AXIN1: variants seen among roughly 807,000 people sequenced by gnomAD.
AXIN1 encodes the protein axin-1.
Under a neutral mutation model 76.4 loss-of-function variants are expected in AXIN1, and 30 were observed. The ratio of observed to expected loss-of-function variants is 0.39; its 90% CI spans 0.29 to 0.53. AXIN1 has a LOEUF of 0.53. AXIN1 is among the 20% of genes least tolerant of loss of function. AXIN1 has a pLI of 0.66. For missense variants in AXIN1, 1,140 were observed against 1,198.8 expected (o/e 0.95, Z 0.72); for synonymous variants, 545 against 501.4 (o/e 1.09, Z -1.16).
chr16:350,283 G>T (rs2054115872), intron 1 of AXIN1, among the ~76,000 whole-genome samples: 1 of 152,146 alleles, frequency 6.6e-6, no homozygotes, highest in South Asian at 2.1e-4. Context: ...CCACAGGGAA[G>T]CACACCAAGC....
intron 7 of AXIN1, among the ~76,000 whole-genome samples, chr16:294,033 C>CGCCTGTCATCCCTGCTACTCTG (rs1403476887): frequency 6.6e-6 from 1 of 152,058 alleles, no homozygotes; most frequent in Admixed American, 6.6e-5. Context: ...ATTAGCTGGG[C>CGCCTGTCATCCCTGCTACTCTG]GCCTGTCATC....
intron 4 of AXIN1, among the ~76,000 whole-genome samples, chr16:306,122 C>T (rs1436343512): frequency 6.6e-6 from 1 of 152,134 alleles, no homozygotes; most frequent in Non-Finnish European, 1.5e-5. Flanking sequence ...CACATGCGTA[C>T]ACACACATGC....
rs144093618 is a variant in AXIN1, at chr16:326,394, T to TATATATATATACACAC, written c.879-11712_879-11711insGTGTGTATATATATAT. On this transcript the variant is annotated intron_variant, in intron 2 of 10. Coordinates refer to ENST00000262320, the MANE Select transcript of AXIN1 (RefSeq NM_003502.4). ...AAAAATATATATATATATATATATA[T>TATATATATATACACAC]ACACACCTATAGATAAATAACCTAC... Among the ~76,000 whole-genome samples, 66 of 119,652 alleles carry TATATATATATACACAC rather than the reference T, an allele frequency of 5.5e-4. 1 individual carries two copies. The highest frequency in any genetic ancestry group is 8.3e-4 in the Non-Finnish European group (49 of 58,838). 78.5% of individuals were successfully genotyped at this position (119,652 alleles called of 152,430 possible). A position where few individuals can be genotyped will look rare whatever the true frequency, so the allele number is the denominator to read the frequency against.
intron 1 of AXIN1, 23 bp from the exon 2 acceptor site, chr16:347,129 A>G (rs548666354): frequency 1.3e-6 from 2 of 1,594,864 alleles, no homozygotes; most frequent in Admixed American, 3.4e-5. Context: ...TTAAGAGGAC[A>G]AGGATTAGGA....
rs749754083 is a variant in AXIN1, at chr16:288,096, G to C, written c.*26C>G. 6.2e-7 allele frequency: 1 copy of C among 1,612,908 alleles called. No homozygotes were observed. Among genetic ancestry groups the C allele is most frequent in the Non-Finnish European group, 8.5e-7 (1 of 1,179,998 alleles). ...CCCGTGCCCGCCAAGGGCCTCGCCT[G>C]GCACAGCGGCCAGCCCACCAGCCTA... On this transcript the variant is annotated 3_prime_UTR_variant, in exon 11 of 11. Transcript: ENST00000262320.
chr16:325,468 T>G lies in AXIN1; in HGVS notation c.879-10785A>C, dbSNP rs1291236255. 3.9e-5 allele frequency among the ~76,000 whole-genome samples: 6 copies of G among 152,052 alleles called. No homozygotes were observed. The East Asian group carries it at 9.7e-4, about 24-fold the overall frequency. ...CAACTGCTTGGCAGTGCCACTGGAG[T>G]TGGGGCAGCGCTTCCCAGCGGGCAG... is the stretch of plus-strand genomic sequence containing the variant. On this transcript the variant is annotated intron_variant, in intron 2 of 10. Transcript: ENST00000262320.
At chr16:317,580 G>A (rs902325679) in intron 2 of AXIN1, among the ~76,000 whole-genome samples, 4 of 152,210 alleles carry the variant, frequency 2.6e-5, no homozygotes, top group African/African-American at 9.6e-5. Flanking sequence ...CAGCAACCAT[G>A]GGGCCGCTCT....
intron 3 of AXIN1, among the ~76,000 whole-genome samples, chr16:313,595 G>A (rs577327904): frequency 1.3e-5 from 2 of 152,310 alleles, no homozygotes; most frequent in South Asian, 4.1e-4. Flanking sequence ...TGGTTCCTGC[G>A]GCTCGGCCCC....
At chr16:310,206 G>A (rs562210631) in intron 3 of AXIN1, 137 bp from the exon 4 acceptor site, 14 of 733,576 alleles carry the variant, frequency 1.9e-5, no homozygotes, top group Admixed American at 1.0e-4. Context: ...ACTGAGACAC[G>A]TGCACACAGG....
In AXIN1 at chr16:333,306, C is replaced by T. The variant is rs375477295; in HGVS notation, c.878+12842G>A. Among the ~76,000 whole-genome samples, 367 of 151,246 alleles carry T rather than the reference C, an allele frequency of 2.4e-3. 4 individuals are homozygous for T. The highest frequency in any genetic ancestry group is 8.6e-3 in the African/African-American group (352 of 41,120). On this transcript the variant is annotated intron_variant, in intron 2 of 10. Transcript: ENST00000262320. ...GAGATCGCACCACTGCACCCCAGCC[C>T]GGGCAACAAGAGCGAAATTCCATCT...
intron 2 of AXIN1, among the ~76,000 whole-genome samples, chr16:344,683 T>A (rs1256710319): frequency 6.6e-6 from 1 of 151,986 alleles, no homozygotes; most frequent in African/African-American, 2.4e-5. Context: ...GAAATGAGGA[T>A]TCACCACGTT....
At chr16:326,567 T>G (rs1336631894) in intron 2 of AXIN1, among the ~76,000 whole-genome samples, 1 of 149,178 alleles carries the variant, frequency 6.7e-6, no homozygotes, top group Non-Finnish European at 1.5e-5. Context: ...GCCAACATGG[T>G]GAAACCCCAT....
At chr16:309,924 C>T (rs1383802319) in intron 4 of AXIN1, 49 bp downstream of exon 4, 7 of 1,586,882 alleles carry the variant, frequency 4.4e-6, no homozygotes, top group Admixed American at 3.4e-5. Context: ...ACCAGGCCCA[C>T]GCTGAGCGGG....
intron 2 of AXIN1, among the ~76,000 whole-genome samples, chr16:315,832 GAA>G (rs922939817): frequency 7.4e-4 from 54 of 72,704 alleles, no homozygotes; most frequent in African/African-American, 2.5e-3. Context: ...TGTCTCAAAA[GAA>G]AAAAAAAAAA....
In AXIN1 at chr16:297,942, C is replaced by A. The variant is rs765663621; in HGVS notation, c.1564G>T (p.Ala522Ser). Residue 522 changes from alanine (A) to serine (S), a missense_variant, in exon 6 of 11, where the codon GCG becomes TCG. Physicochemically the swap from Ala to Ser is moderately conservative, Grantham distance 99. Around this residue, in one of 3 missense-constraint regions of AXIN1, gnomAD observed 708 missense variants for 776.9 expected, o/e 0.91. Coordinates refer to ENST00000262320, the MANE Select transcript of AXIN1 (RefSeq NM_003502.4). ...TGCAGGCCGGCCGCGTCCAGCTTCG[C>A]CCCTGACTTGGGTACGTGCTTCCCG... ...GHGKHVPKSGAKLDAAGLHHH... is the reference protein window; with the variant it reads ...GHGKHVPKSGSKLDAAGLHHH... 6 of 1,602,368 alleles carry A rather than the reference C, an allele frequency of 3.7e-6. No individual in the cohort carries two copies. In the African/African-American group the frequency reaches 5.3e-5, roughly 14 times the overall value.
chr16:346,329 C>A lies in AXIN1; in HGVS notation c.697G>T (p.Gly233Cys), dbSNP rs549065972. Residue 233 changes from glycine (G) to cysteine (C), a missense_variant, in exon 2 of 11, where the codon GGC becomes TGC. Gly to Cys is a radical substitution (Grantham distance 159). Coordinates refer to ENST00000262320, the MANE Select transcript of AXIN1 (RefSeq NM_003502.4). ...AAGGTCGGCAGGTATCCAGATATGC[C>A]CTTCCCTGTCCCTGACCCAGAGCTC... ...DQSSGSGTGK[G>C]ISGYLPTLNE... The A allele has an allele frequency of 1.2e-6, 2 of 1,614,226 alleles. No homozygotes were observed. Among genetic ancestry groups the A allele is most frequent in the African/African-American group, 1.3e-5 (1 of 75,046 alleles).
intron 2 of AXIN1, among the ~76,000 whole-genome samples, chr16:345,481 G>A (rs1457100927): frequency 2.6e-5 from 4 of 152,216 alleles, no homozygotes; most frequent in Non-Finnish European, 2.9e-5. Context: ...TTGGGAGGCC[G>A]AGGCAGGCAG....
intron 5 of AXIN1, among the ~76,000 whole-genome samples, chr16:303,250 C>G (rs1011960429): frequency 2.0e-5 from 3 of 152,200 alleles, no homozygotes; most frequent in Non-Finnish European, 4.4e-5. Context: ...GGAGCGCACA[C>G]TGGGGTGGAG....
intron 5 of AXIN1, among the ~76,000 whole-genome samples, chr16:298,497 C>A (rs1477022635): frequency 1.3e-5 from 2 of 152,206 alleles, no homozygotes; most frequent in African/African-American, 2.4e-5. Context: ...GAGCTCTGCA[C>A]AGATTTAGTT....
Sources: gnomAD v4.1 joint callset for allele counts (sites outside exome capture counted in the v4.1 genomes callset) on GRCh38, gnomAD v4.1.1 for gene constraint, gnomAD v4.1.1 regional missense constraint, MANE v1.5 for transcripts, NCBI Gene and HGNC (gene_info 2026-07-23, HGNC 2026-07-21) for gene names.